Variants in PHACTR1 observed in about 807,000 individuals in gnomAD.
The protein encoded by PHACTR1 is RPEL repeat containing 1.
A neutral mutation model predicts 69.2 loss-of-function variants in PHACTR1; 16 were observed. The ratio of observed to expected loss-of-function variants is 0.23; its 90% CI spans 0.16 to 0.35. PHACTR1 has a LOEUF of 0.35. Among genes scored for constraint, PHACTR1 ranks in the 10% least tolerant of loss-of-function variants. The pLI, the probability that PHACTR1 is intolerant of heterozygous loss-of-function variation, is 1.00. For synonymous variants in PHACTR1, 312 were observed against 284.5 expected, an observed-to-expected ratio of 1.10 and a Z score of -0.97; for missense variants, 510 against 734.7, an observed-to-expected ratio of 0.69 and a Z score of 3.54.
intron 5 of PHACTR1, among the ~76,000 whole-genome samples, chr6:13,070,782 C>T (rs1466076085): frequency 6.6e-6 from 1 of 151,612 alleles, no homozygotes; most frequent in African/African-American, 2.4e-5. Context: ...AGAAAGATAC[C>T]TATATGATGT....
chr6:12,932,976 T>C (rs955562598), intron 4 of PHACTR1, among the ~76,000 whole-genome samples: 2 of 150,036 alleles, frequency 1.3e-5, no homozygotes, highest in Non-Finnish European at 3.0e-5. Context: ...CACTCTGTCA[T>C]GTAAGTTGGA....
At chr6:12,871,615 G>A (rs1782034869) in intron 4 of PHACTR1, among the ~76,000 whole-genome samples, 1 of 152,088 alleles carries the variant, frequency 6.6e-6, no homozygotes, top group Admixed American at 6.6e-5. Flanking sequence ...TTCAGGTTCA[G>A]TTCTTTGCCA....
At chr6:13,024,886 G>A (rs1801468318) in intron 4 of PHACTR1, among the ~76,000 whole-genome samples, 1 of 152,148 alleles carries the variant, frequency 6.6e-6, no homozygotes, top group Non-Finnish European at 1.5e-5. Flanking sequence ...AGATTCCTGT[G>A]GTAAGACACT....
chr6:13,214,322 C>A (rs187332473), intron 8 of PHACTR1: 1 of 152,030 alleles, frequency 6.6e-6, no homozygotes. Flanking sequence ...TTAGAAACAA[C>A]GTACAAAGTT....
At position 13,245,157 on chromosome 6, in the gene PHACTR1, G is replaced by A. The variant is rs190371983; in HGVS notation, c.1391+14964G>A. ...CTGTGATGAACACACATGTGCATGT[G>A]TCTTTATGGTAGAATGATTTCTGTT... On this transcript the variant is annotated intron_variant, in intron 10 of 14. Transcript: ENST00000332995. The surrounding 1 kb of genome is among the most constrained non-coding windows in gnomAD (Gnocchi z 4.1). Among the ~76,000 whole-genome samples the A allele has an allele frequency of 2.0e-5, 3 of 152,312 alleles. No homozygotes were observed. The East Asian group carries it at 5.8e-4, about 29-fold the overall frequency.
At chr6:13,064,692 G>A (rs897791787) in intron 5 of PHACTR1, among the ~76,000 whole-genome samples, 13 of 144,812 alleles carry the variant, frequency 9.0e-5, no homozygotes, top group Non-Finnish European at 1.7e-4. Context: ...AGAGTCAGCC[G>A]CTTGTCTCTG....
chr6:12,985,922 G>A (rs753252086), intron 4 of PHACTR1, among the ~76,000 whole-genome samples: 22 of 151,140 alleles, frequency 1.5e-4, no homozygotes, highest in Middle Eastern at 3.4e-3. Context: ...TGCAACCTCC[G>A]TCTCCCAGGT....
At chr6:13,178,625 T>C (rs1177498219) in intron 6 of PHACTR1, among the ~76,000 whole-genome samples, 4 of 152,244 alleles carry the variant, frequency 2.6e-5, no homozygotes, top group Admixed American at 2.6e-4. Flanking sequence ...TCTTAACCCA[T>C]GTCTCATCCT....
At chr6:12,845,429 A>ACCCCC (rs1214194071) in intron 4 of PHACTR1, among the ~76,000 whole-genome samples, 3 of 18,064 alleles carry the variant, frequency 1.7e-4, no homozygotes, top group Non-Finnish European at 3.0e-4. Flanking sequence ...AACACCACCC[A>ACCCCC]CCCCCCCCCC....
chr6:13,180,284 A>G (rs975208501), intron 6 of PHACTR1, among the ~76,000 whole-genome samples: 1 of 152,206 alleles, frequency 6.6e-6, no homozygotes, highest in Admixed American at 6.5e-5. Context: ...TTTAGCAATT[A>G]TAACAGTGGA....
intron 4 of PHACTR1, among the ~76,000 whole-genome samples, chr6:12,768,783 T>C (rs4293998): frequency 0.071 from 10,580 of 149,394 alleles, 468 homozygotes; most frequent in Admixed American, 0.11. Context: ...CATCTACAGA[T>C]GAATGGATAA....
Position 13,051,140 on chromosome 6 carries a change from C to G in PHACTR1, c.251-2225C>G, listed in dbSNP as rs1369789406. Among the ~76,000 whole-genome samples, 3 of 152,124 alleles carry G rather than the reference C, an allele frequency of 2.0e-5. No homozygotes were observed. In the East Asian group the frequency reaches 5.8e-4, roughly 29 times the overall value. On this transcript the variant is annotated intron_variant, in intron 4 of 14. Transcript: ENST00000332995. ...ACCCCCCCATTCTACCCAAAGTACT[C>G]TTGATCTATTTTACCAGGTTCCACT...
At chr6:12,860,085 C>T (rs749970862) in intron 4 of PHACTR1, among the ~76,000 whole-genome samples, 1 of 151,910 alleles carries the variant, frequency 6.6e-6, no homozygotes, top group Admixed American at 6.6e-5. Context: ...CATGTGCCAT[C>T]GTGGTTTGCT....
intron 6 of PHACTR1, among the ~76,000 whole-genome samples, chr6:13,177,317 C>T (rs1002264140): frequency 6.6e-6 from 1 of 151,668 alleles, no homozygotes; most frequent in Non-Finnish European, 1.5e-5. Flanking sequence ...TGGAGCAACA[C>T]TCTGAGAGCA....
chr6:13,106,770 T>A (rs1439803050), intron 5 of PHACTR1, among the ~76,000 whole-genome samples: 1 of 148,424 alleles, frequency 6.7e-6, no homozygotes, highest in Admixed American at 6.6e-5. Context: ...ATTGCCCAAT[T>A]TTTTTTCATC....
intron 4 of PHACTR1, among the ~76,000 whole-genome samples, chr6:12,921,045 G>C (rs1388833695): frequency 6.6e-6 from 1 of 152,196 alleles, no homozygotes; most frequent in Non-Finnish European, 1.5e-5. Context: ...TCAGAGCTAG[G>C]ACTAGGGTGA....
intron 4 of PHACTR1, among the ~76,000 whole-genome samples, chr6:13,013,873 C>T (rs1367233855): frequency 6.7e-6 from 1 of 148,166 alleles, no homozygotes; most frequent in Non-Finnish European, 1.5e-5. Context: ...CGGCCCCGGG[C>T]GCCCGGGGGC....
Position 13,234,522 on chromosome 6 carries a change from GA to G in PHACTR1, c.1391+4340del, listed in dbSNP as rs370560421. On this transcript the variant is annotated intron_variant, in intron 10 of 14. Transcript: ENST00000332995. ...TAGCCTGACAGTTCCAATAACATAA[GA>G]AAAAAAAAAAGACCACGATGTGTAG... Among the ~76,000 whole-genome samples the G allele has an allele frequency of 2.9e-3, 408 of 140,644 alleles. 1 individual carries two copies. Among genetic ancestry groups the G allele is most frequent in the African/African-American group, 9.1e-3 (349 of 38,486 alleles). 92.3% of individuals were successfully genotyped at this position (140,644 alleles called of 152,430 possible). A position where few individuals can be genotyped will look rare whatever the true frequency, so the allele number is the denominator to read the frequency against.
rs528774218 is a variant in PHACTR1 at position 13,162,379 on chromosome 6, C to T, written c.496+2095C>T. On this transcript the variant is annotated intron_variant, in intron 6 of 14. Coordinates refer to ENST00000332995, the MANE Select transcript of PHACTR1 (RefSeq NM_030948.6). ...TGACCTCAGGTGATCCACCCGTCTC[C>T]GCCTCCCAAAGTGCTGGGATTACAG... Among the ~76,000 whole-genome samples the T allele has an allele frequency of 1.3e-3, 197 of 152,004 alleles. 1 individual carries two copies. Among genetic ancestry groups the T allele is most frequent in the African/African-American group, 4.6e-3 (191 of 41,458 alleles).
Sources: gnomAD v4.1 joint callset for allele counts (sites outside exome capture counted in the v4.1 genomes callset) on GRCh38, gnomAD v4.1.1 for gene constraint, Gnocchi (gnomAD v3.1) non-coding constraint, MANE v1.5 for transcripts, NCBI Gene and HGNC (gene_info 2026-07-23, HGNC 2026-07-21) for gene names.